Variants in ITSN2 observed in about 807,000 individuals in gnomAD.
ITSN2 encodes the protein intersectin 2, also known as intersectin-2.
A neutral mutation model predicts 243.7 loss-of-function variants in ITSN2; 156 were observed. The ratio of observed to expected loss-of-function variants is 0.64; its 90% CI spans 0.56 to 0.73. ITSN2 has a LOEUF of 0.73. ITSN2 is among the 30% of genes least tolerant of loss of function. The pLI is 0.00. For missense variants in ITSN2, 1,801 were observed against 1,996.1 expected, an observed-to-expected ratio of 0.90 and a Z score of 1.86; for synonymous variants, 703 against 699.9, an observed-to-expected ratio of 1.00 and a Z score of -0.07.
At chr2:24,276,223 G>A (rs1574111608) in intron 17 of ITSN2, among the ~76,000 whole-genome samples, 1 of 152,096 alleles carries the variant, frequency 6.6e-6, no homozygotes, top group Admixed American at 6.6e-5. Context: ...TCATGTTTTT[G>A]ACATATGTAA....
rs972035190 is a variant in ITSN2, at chr2:24,311,088, T to C, written c.353-396A>G. ...ACACACACACACACACACACACACA[T>C]TCTTCTTCTCTCTCTCTCTCACATA... is the stretch of plus-strand genomic sequence containing the variant. On this transcript the variant is annotated intron_variant, in intron 5 of 39. Coordinates refer to ENST00000355123, the MANE Select transcript of ITSN2 (RefSeq NM_006277.3). 1.8e-3 allele frequency among the ~76,000 whole-genome samples: 260 copies of C among 147,506 alleles called. 1 individual carries two copies. The highest frequency in any genetic ancestry group is 6.6e-3 in the African/African-American group (251 of 37,818).
intron 3 of ITSN2, among the ~76,000 whole-genome samples, chr2:24,314,291 A>T (rs142209253): frequency 1.3e-5 from 2 of 152,318 alleles, no homozygotes; most frequent in African/African-American, 4.8e-5. Flanking sequence ...AAAGTTATTA[A>T]CCTGTAAGCA....
chr2:24,291,133 TTTTTA>T (rs1680188633), intron 15 of ITSN2, among the ~76,000 whole-genome samples: 1 of 152,192 alleles, frequency 6.6e-6, no homozygotes, highest in Non-Finnish European at 1.5e-5. Context: ...GAATCTTTTT[TTTTTA>T]TTTTGTTTTG....
intron 12 of ITSN2, 35 bp downstream of exon 12, chr2:24,299,873 AT>A (rs1431596925): frequency 6.6e-7 from 1 of 1,509,140 alleles, no homozygotes; most frequent in East Asian, 2.3e-5. Context: ...ATTAAATGTA[AT>A]GATTTTCTTA....
Position 24,334,593 on chromosome 2 carries a change from A to G in ITSN2, c.-33-6478T>C, listed in dbSNP as rs1686146939. 3 of 1,044,184 alleles carry G rather than the reference A, an allele frequency of 2.9e-6. No homozygotes were observed. The South Asian group carries it at 3.7e-5, about 13-fold the overall frequency. The allele number at this position is 1,044,184 out of a possible 1,614,324, so 64.7% of individuals were successfully genotyped here. On this transcript the variant is annotated intron_variant, in intron 1 of 39. Coordinates refer to ENST00000355123, the MANE Select transcript of ITSN2 (RefSeq NM_006277.3). ...ACCCTGCAAAGTGACACAGTACAAG[A>G]AGGGCAAGAATTCTCTGTATGCCCA...
chr2:24,280,385 T>C (rs945870802), intron 17 of ITSN2, among the ~76,000 whole-genome samples: 7 of 152,088 alleles, frequency 4.6e-5, no homozygotes, highest in Non-Finnish European at 8.8e-5. Context: ...CCTGAATTCT[T>C]ATCTCTACAG....
intron 29 of ITSN2, among the ~76,000 whole-genome samples, chr2:24,228,732 G>A (rs967169332): frequency 2.0e-5 from 3 of 152,168 alleles, no homozygotes; most frequent in African/African-American, 7.2e-5. Context: ...AGAAGTCCCT[G>A]TGTCAGCAGA....
rs370321016 is a variant in ITSN2 at position 24,285,628 on chromosome 2, T to C, written c.1863+584A>G. Among the ~76,000 whole-genome samples, 29 of 152,368 alleles carry C rather than the reference T, an allele frequency of 1.9e-4. 1 individual carries two copies. In the South Asian group the frequency reaches 6.0e-3, roughly 32 times the overall value. ...TTCTTTCATAGGTATGGCTTCAGTG[T>C]ACAATGAATACTGTGGTGAATGATA... On this transcript the variant is annotated intron_variant, in intron 16 of 39. Transcript: ENST00000355123.
At chr2:24,220,700 G>T in intron 30 of ITSN2, 1 of 1,305,758 alleles carries the variant, frequency 7.7e-7, no homozygotes, top group Non-Finnish European at 9.7e-7. Context: ...TTGTTCTCCC[G>T]CTTCACTCTG....
chr2:24,204,190 C>G lies in ITSN2; in HGVS notation c.4936+55G>C. 6.3e-7 allele frequency: 1 copy of G among 1,575,812 alleles called. No individual in the cohort carries two copies. The highest frequency in any genetic ancestry group is 8.7e-7 in the Non-Finnish European group (1 of 1,147,906). ...CAGCTGAAGCCCCTAGATCTGGACTCCAGGATCTAGGAAACTGGGAAAGCC... is the reference window on the plus strand; with the variant it reads ...CAGCTGAAGCCCCTAGATCTGGACTGCAGGATCTAGGAAACTGGGAAAGCC... On this transcript the variant is annotated intron_variant, in intron 39 of 39. Coordinates refer to ENST00000355123, the MANE Select transcript of ITSN2 (RefSeq NM_006277.3). The surrounding 1 kb of genome is among the most constrained non-coding windows in gnomAD (Gnocchi z 5.1).
intron 20 of ITSN2, among the ~76,000 whole-genome samples, chr2:24,268,508 C>T (rs558580091): frequency 4.0e-4 from 61 of 152,114 alleles, no homozygotes; most frequent in Non-Finnish European, 6.8e-4. Context: ...TGACAAGGAA[C>T]ATGAAGTGCC....
intron 20 of ITSN2, among the ~76,000 whole-genome samples, chr2:24,267,251 G>A (rs1676766876): frequency 6.6e-6 from 1 of 152,084 alleles, no homozygotes; most frequent in African/African-American, 2.4e-5. Flanking sequence ...TGGGGGACTA[G>A]GGGAGGAAAG....
chr2:24,317,015 G>A (rs925704129), intron 2 of ITSN2, among the ~76,000 whole-genome samples: 2 of 152,190 alleles, frequency 1.3e-5, no homozygotes, highest in African/African-American at 4.8e-5. Flanking sequence ...GAAAAGCCTT[G>A]TTTGTCAAAT....
chr2:24,338,452 G>A (rs1235043183), intron 1 of ITSN2, among the ~76,000 whole-genome samples: 2 of 152,162 alleles, frequency 1.3e-5, no homozygotes. Context: ...CATGTTCTCA[G>A]GACCTCCTGA....
intron 7 of ITSN2, among the ~76,000 whole-genome samples, chr2:24,309,604 C>T (rs896588145): frequency 5.3e-5 from 8 of 152,112 alleles, no homozygotes; most frequent in Admixed American, 2.0e-4. Flanking sequence ...ATGAGACTAC[C>T]GCATATAAAG....
At chr2:24,299,032 T>TC (rs1241996709) in intron 12 of ITSN2, among the ~76,000 whole-genome samples, 2 of 150,264 alleles carry the variant, frequency 1.3e-5, no homozygotes, top group Non-Finnish European at 3.0e-5. Context: ...AGATCTTTTT[T>TC]TTTTTTTTTT....
chr2:24,204,550 TG>T lies in ITSN2; in HGVS notation c.4763-133del. 1 of 787,620 alleles carries T rather than the reference TG, an allele frequency of 1.3e-6. No individual in the cohort carries two copies. The highest frequency in any genetic ancestry group is 2.2e-6 in the Non-Finnish European group (1 of 450,160). 48.8% of individuals were successfully genotyped at this position (787,620 alleles called of 1,614,324 possible). A position where few individuals can be genotyped will look rare whatever the true frequency, so the allele number is the denominator to read the frequency against. ...GACCATGGCAGCAGGAGCCGCTGCC[TG>T]GGGCACCATATCCCTGTGGTCTAGT... On this transcript the variant is annotated intron_variant, in intron 38 of 39. Transcript: ENST00000355123. This position sits in a 1 kb window ranked among gnomAD's most constrained non-coding sequence, Gnocchi z 5.1.
chr2:24,357,850 G>A (rs1268567058), intron 1 of ITSN2, among the ~76,000 whole-genome samples: 6 of 152,134 alleles, frequency 3.9e-5, no homozygotes, highest in Admixed American at 2.0e-4. Context: ...CTACTTAATG[G>A]ACTAATATGT....
intron 39 of ITSN2, 123 bp from the exon 40 acceptor site, chr2:24,203,906 A>G: frequency 1.9e-6 from 2 of 1,052,516 alleles, no homozygotes; most frequent in Admixed American, 2.5e-5. Flanking sequence ...CTTTTGGCTC[A>G]TGGCTGTTGA....
Sources: gnomAD v4.1 joint callset for allele counts (sites outside exome capture counted in the v4.1 genomes callset) on GRCh38, gnomAD v4.1.1 for gene constraint, Gnocchi (gnomAD v3.1) non-coding constraint, MANE v1.5 for transcripts, NCBI Gene and HGNC (gene_info 2026-07-23, HGNC 2026-07-21) for gene names.